Variants in ELFN1 observed in about 807,000 individuals in gnomAD.
ELFN1 encodes the protein extracellular leucine rich repeat and fibronectin type III domain containing 1.
Under a neutral mutation model 7.6 loss-of-function variants are expected in ELFN1, and 6 were observed. That is an observed-to-expected ratio of 0.79 (90% CI 0.43 to 1.56). The LOEUF (loss-of-function observed/expected upper bound fraction) is 1.56. Among genes scored for constraint, ELFN1 ranks in the 40% most tolerant of loss-of-function variants. ELFN1 has a pLI of 0.01. For missense variants in ELFN1, 1,169 were observed against 1,232.2 expected, an observed-to-expected ratio of 0.95 and a Z score of 0.77; for synonymous variants, 657 against 588.1, an observed-to-expected ratio of 1.12 and a Z score of -1.70.
At chr7:1,741,632 G>C (rs1016964880) in intron 3 of ELFN1, among the ~76,000 whole-genome samples, 1 of 152,222 alleles carries the variant, frequency 6.6e-6, no homozygotes, top group African/African-American at 2.4e-5. Flanking sequence ...AGCCAGGAAG[G>C]GGGAGAGAGT....
chr7:1,741,578 G>A (rs906871155), intron 3 of ELFN1, among the ~76,000 whole-genome samples: 5 of 152,214 alleles, frequency 3.3e-5, no homozygotes, highest in African/African-American at 9.6e-5. Context: ...GGGGGGAGTG[G>A]GGCATGGTGG....
At position 1,745,924 on chromosome 7, in the gene ELFN1, G is replaced by A. The variant is rs755247795; in HGVS notation, c.1328G>A (p.Arg443Gln). ...LGAVYYCLRR[R>Q]RRQEEKHKKA... ...GCCGTCTACTACTGCCTGCGCAGGC[G>A]GCGGCGCCAGGAGGAGAAGCACAAG... The change falls in exon 4 of 4, where the codon CGG becomes CAG. Residue 443 changes from arginine to glutamine, a missense_variant. By Grantham distance (43) the Arg-to-Gln change is conservative (BLOSUM62 1). This residue lies in a region of ELFN1 where 914 missense variants were observed against 872.6 expected (regional missense o/e 1.05). Transcript: ENST00000424383. 2.2e-5 allele frequency: 35 copies of A among 1,565,704 alleles called. No homozygotes were observed. Among genetic ancestry groups the A allele is most frequent in the Non-Finnish European group, 2.6e-5 (30 of 1,157,464 alleles).
chr7:1,740,620 CCT>C lies in ELFN1; in HGVS notation c.-293-3683_-293-3682del, dbSNP rs1260935715. ...ACCTTCCTAGGTGATTCGGCCTTTC[CCT>C]GTTTCCTGTGCCAGGTCCGCAGCCT... is the stretch of plus-strand genomic sequence containing the variant. On this transcript the variant is annotated intron_variant, in intron 3 of 3. Coordinates refer to ENST00000424383, the MANE Select transcript of ELFN1 (RefSeq NM_001128636.4). The surrounding 1 kb of genome is among the most constrained non-coding windows in gnomAD (Gnocchi z 5.0). Among the ~76,000 whole-genome samples, 2 of 152,094 alleles carry C rather than the reference CCT, an allele frequency of 1.3e-5. No homozygotes were observed. The highest frequency in any genetic ancestry group is 2.9e-5 in the Non-Finnish European group (2 of 68,006).
At chr7:1,703,465 A>G (rs995173057) in intron 2 of ELFN1, among the ~76,000 whole-genome samples, 5 of 152,084 alleles carry the variant, frequency 3.3e-5, no homozygotes, top group Admixed American at 2.0e-4. Flanking sequence ...CTGAGAACTG[A>G]TAAGTATTGA....
At chr7:1,678,809 G>A (rs1021042769) in intron 1 of ELFN1, among the ~76,000 whole-genome samples, 2 of 152,204 alleles carry the variant, frequency 1.3e-5, no homozygotes, top group East Asian at 1.9e-4. Flanking sequence ...GTGACTACCC[G>A]GCTTAGCGAG....
rs565787713 is a variant in ELFN1, at chr7:1,716,655, T to A, written c.-294+7403T>A. ...TCACGTGATGACCCCTGGGGCTGCA[T>A]GCGTGTCATAGCTGTCCCCTCCCCC... On this transcript the variant is annotated intron_variant, in intron 3 of 3. Transcript: ENST00000424383. Among the ~76,000 whole-genome samples, 12 of 152,304 alleles carry A rather than the reference T, an allele frequency of 7.9e-5. No homozygotes were observed. In the South Asian group the frequency reaches 2.5e-3, roughly 32 times the overall value.
chr7:1,674,196 G>GAGTC (rs1182023374), intron 1 of ELFN1, among the ~76,000 whole-genome samples: 2 of 150,860 alleles, frequency 1.3e-5, no homozygotes, highest in African/African-American at 4.9e-5. Flanking sequence ...TGGGGAAACT[G>GAGTC]AGGCAGAGAG....
intron 3 of ELFN1, among the ~76,000 whole-genome samples, chr7:1,722,651 A>T (rs1161097644): frequency 6.6e-6 from 1 of 151,968 alleles, no homozygotes; most frequent in African/African-American, 2.4e-5. Flanking sequence ...GTATACCTCC[A>T]CTAATGGGGA....
chr7:1,710,117 T>C (rs1779619337), intron 3 of ELFN1, among the ~76,000 whole-genome samples: 1 of 152,270 alleles, frequency 6.6e-6, no homozygotes, highest in African/African-American at 2.4e-5. Flanking sequence ...GATTTTAGAC[T>C]GTGGGTTTCC....
At chr7:1,742,709 C>T (rs907842205) in intron 3 of ELFN1, among the ~76,000 whole-genome samples, 1 of 152,228 alleles carries the variant, frequency 6.6e-6, no homozygotes, top group Non-Finnish European at 1.5e-5. Context: ...GGTTAGCTCC[C>T]CGAGGCCCGC....
In ELFN1 at chr7:1,746,707, G is replaced by A. The variant is rs1179037773; in HGVS notation, c.2111G>A (p.Arg704Gln). Residue 704 changes from arginine to glutamine, a missense_variant, in exon 4 of 4, where the codon CGG (arginine) becomes CAG (glutamine). By Grantham distance (43) the Arg-to-Gln change is conservative. Around this residue, in one of 2 missense-constraint regions of ELFN1, gnomAD observed 914 missense variants for 872.6 expected, o/e 1.05. Coordinates refer to ENST00000424383, the MANE Select transcript of ELFN1 (RefSeq NM_001128636.4). ...AEKGRQYGEHRHSYPGSHPAE... is the reference protein window; with the variant it reads ...AEKGRQYGEHQHSYPGSHPAE... Reference sequence around the variant, plus strand: ...AAGGGTCGCCAGTACGGCGAGCACCGGCACTCGTACCCCGGCTCCCACCCG... The same window carrying A: ...AAGGGTCGCCAGTACGGCGAGCACCAGCACTCGTACCCCGGCTCCCACCCG... 7 of 1,468,634 alleles carry A rather than the reference G, an allele frequency of 4.8e-6. No homozygotes were observed. Among genetic ancestry groups the A allele is most frequent in the East Asian group, 5.9e-5 (2 of 34,040 alleles). The allele number at this position is 1,468,634 out of a possible 1,614,324, so 91.0% of individuals were successfully genotyped here. A position where few individuals can be genotyped will look rare whatever the true frequency, so the allele number is the denominator to read the frequency against.
rs557812792 is a variant in ELFN1 at position 1,682,329 on chromosome 7, G to GA, written c.-548-5724dup. On this transcript the variant is annotated intron_variant, in intron 1 of 3. Transcript: ENST00000424383. ...CTTGTTTTGCTGTATACATGTTTTT[G>GA]AAAAAGACTATCTTTTCTGCACTAC... 5.5e-4 allele frequency among the ~76,000 whole-genome samples: 84 copies of GA among 152,218 alleles called. 2 individuals carry two copies. Among genetic ancestry groups the GA allele is most frequent in the Non-Finnish European group, 8.4e-4 (57 of 68,004 alleles).
In ELFN1 at chr7:1,745,146, G is replaced by A; in HGVS notation, c.550G>A (p.Val184Met). Residue 184 changes from valine (V) to methionine (M), a missense_variant, in exon 4 of 4, where the codon GTG (valine) becomes ATG (methionine). Val to Met is a conservative substitution (Grantham distance 21, BLOSUM62 1). Coordinates refer to ENST00000424383, the MANE Select transcript of ELFN1 (RefSeq NM_001128636.4). ...CTTCGCCGGCCTGGCCAAGCTGTCG[G>A]TGTGCGAGCTCTACAGCAACCCCTT... ...GTFAGLAKLS[V>M]CELYSNPFYC... The A allele has an allele frequency of 6.4e-7, 1 of 1,550,398 alleles. No homozygotes were observed. The highest frequency in any genetic ancestry group is 8.7e-7 in the Non-Finnish European group (1 of 1,146,972).
At position 1,744,473 on chromosome 7, in the gene ELFN1, G is replaced by T; in HGVS notation, c.-124G>T. On this transcript the variant is annotated 5_prime_UTR_variant, in exon 4 of 4. It adds an upstream start codon to the 5' untranslated region. Transcript: ENST00000424383. ...TCGCGCGGCCATGCGGTTTGGGACA[G>T]GACACCCCTGAGAGTGCAGGCACCT... The T allele has an allele frequency of 1.7e-6, 2 of 1,179,412 alleles. No homozygotes were observed. The highest frequency in any genetic ancestry group is 2.3e-6 in the Non-Finnish European group (2 of 877,398). 73.1% of individuals were successfully genotyped at this position (1,179,412 alleles called of 1,614,324 possible).
intron 2 of ELFN1, among the ~76,000 whole-genome samples, chr7:1,689,758 C>G (rs1779122340): frequency 6.6e-6 from 1 of 152,204 alleles, no homozygotes; most frequent in Non-Finnish European, 1.5e-5. Flanking sequence ...GTGGCGAGTG[C>G]TACACTGAGA....
intron 3 of ELFN1, among the ~76,000 whole-genome samples, chr7:1,711,579 A>AGG (rs1233122076): frequency 6.3e-5 from 1 of 15,762 alleles, no homozygotes; most frequent in African/African-American, 3.7e-4. Flanking sequence ...AGAGAGTGAG[A>AGG]GAGAGAGAGA....
intron 3 of ELFN1, among the ~76,000 whole-genome samples, chr7:1,726,386 G>C (rs1386500773): frequency 6.6e-6 from 1 of 152,228 alleles, no homozygotes; most frequent in African/African-American, 2.4e-5. Flanking sequence ...TCTATTTATA[G>C]CAGTCAGCAT....
Position 1,747,163 on chromosome 7 carries a change from C to T in ELFN1, c.*80C>T, listed in dbSNP as rs192078216. On this transcript the variant is annotated 3_prime_UTR_variant, in exon 4 of 4. Coordinates refer to ENST00000424383, the MANE Select transcript of ELFN1 (RefSeq NM_001128636.4). ...GAGACTCAGCACCAAACCCAACACA[C>T]GCACGCCACCACAGCAACTGTGACA... The T allele has an allele frequency of 1.3e-5, 18 of 1,359,020 alleles. No individual in the cohort carries two copies. The highest frequency in any genetic ancestry group is 1.7e-5 in the South Asian group (1 of 57,628). 84.2% of individuals were successfully genotyped at this position (1,359,020 alleles called of 1,614,324 possible). A position where few individuals can be genotyped will look rare whatever the true frequency, so the allele number is the denominator to read the frequency against.
intron 2 of ELFN1, among the ~76,000 whole-genome samples, chr7:1,697,767 A>G (rs1234676739): frequency 6.6e-6 from 1 of 152,060 alleles, no homozygotes; most frequent in Non-Finnish European, 1.5e-5. Flanking sequence ...TCACCTGAAC[A>G]GATTTTTAAA....
Sources: allele counts gnomAD v4.1 joint callset (sites outside exome capture counted in the v4.1 genomes callset), GRCh38; gene constraint gnomAD v4.1.1; regional missense constraint gnomAD v4.1.1; non-coding constraint Gnocchi (gnomAD v3.1); transcripts MANE v1.5; gene names NCBI Gene and HGNC (gene_info 2026-07-23, HGNC 2026-07-21).